Variants in CNGB3 observed in about 807,000 individuals in gnomAD.
CNGB3 encodes the protein cyclic nucleotide-gated channel beta-3.
Under a neutral mutation model 92.8 loss-of-function variants are expected in CNGB3, and 86 were observed. The observed-to-expected ratio is 0.93, with a 90% CI of 0.78 to 1.11. CNGB3 has a LOEUF of 1.11. CNGB3 is among the 50% of genes least tolerant of loss of function. CNGB3 has a pLI of 0.00. For missense variants in CNGB3, 1,026 were observed against 956.8 expected (o/e 1.07, Z -0.95); for synonymous variants, 333 against 332.7 (o/e 1.00, Z -0.01).
intron 7 of CNGB3, among the ~76,000 whole-genome samples, chr8:86,649,814 A>G (rs962455664): frequency 2.0e-5 from 3 of 151,278 alleles, no homozygotes; most frequent in African/African-American, 7.3e-5. Flanking sequence ...CTGATTAAAA[A>G]TGTTTCTTCA....
chr8:86,645,214 T>C (rs1405585613), intron 8 of CNGB3, among the ~76,000 whole-genome samples: 1 of 151,222 alleles, frequency 6.6e-6, no homozygotes, highest in African/African-American at 2.4e-5. Flanking sequence ...ATACAAAGAG[T>C]TTATGTGCAT....
intron 3 of CNGB3, among the ~76,000 whole-genome samples, chr8:86,710,639 TAA>T (rs1467741787): frequency 6.6e-6 from 1 of 152,270 alleles, no homozygotes; most frequent in South Asian, 2.1e-4. Flanking sequence ...ACGAATGAAT[TAA>T]AGAGGTTGGC....
intron 10 of CNGB3, among the ~76,000 whole-genome samples, chr8:86,641,569 A>G (rs1049349675): frequency 1.3e-5 from 2 of 151,630 alleles, no homozygotes; most frequent in Non-Finnish European, 2.9e-5. Flanking sequence ...CTTCTCCCCA[A>G]AACTGCCACT....
chr8:86,584,480 T>G (rs1204149961), intron 15 of CNGB3, among the ~76,000 whole-genome samples: 2 of 152,264 alleles, frequency 1.3e-5, no homozygotes, highest in Non-Finnish European at 2.9e-5. Flanking sequence ...GTTACACGTT[T>G]GGAGTGCTTG....
intron 6 of CNGB3, among the ~76,000 whole-genome samples, chr8:86,654,402 A>G (rs1487950817): frequency 6.6e-6 from 1 of 152,146 alleles, no homozygotes; most frequent in Non-Finnish European, 1.5e-5. Context: ...AAGGTCACCA[A>G]TGATCTCCTA....
intron 15 of CNGB3, among the ~76,000 whole-genome samples, chr8:86,587,836 C>T (rs1451223003): frequency 6.6e-6 from 1 of 151,846 alleles, no homozygotes; most frequent in African/African-American, 2.4e-5. Context: ...TTTTTGGTTC[C>T]ATATGAACTT....
chr8:86,611,943 TA>T (rs1452856577), intron 13 of CNGB3, among the ~76,000 whole-genome samples: 4 of 152,158 alleles, frequency 2.6e-5, no homozygotes, highest in African/African-American at 9.6e-5. Context: ...CTCAGTTTCC[TA>T]ACCTGTAAAA....
In CNGB3 at chr8:86,661,009, C is replaced by A. The variant is rs116767558; in HGVS notation, c.852+5916G>T. ...TTTCAGCCATTTACCTCTCAGATCGCCTCCTCCCTAAAGTTCTACTTTCCT... is the reference window on the plus strand; with the variant it reads ...TTTCAGCCATTTACCTCTCAGATCGACTCCTCCCTAAAGTTCTACTTTCCT... On this transcript the variant is annotated intron_variant, in intron 6 of 17. Coordinates refer to ENST00000320005, the MANE Select transcript of CNGB3 (RefSeq NM_019098.5). Among the ~76,000 whole-genome samples, 685 of 152,268 alleles carry A rather than the reference C, an allele frequency of 4.5e-3. 4 individuals carry two copies. The highest frequency in any genetic ancestry group is 0.016 in the African/African-American group (647 of 41,538).
chr8:86,629,117 G>A (rs1822910329), intron 11 of CNGB3, 39 bp from the exon 12 acceptor site: 2 of 1,610,768 alleles, frequency 1.2e-6, no homozygotes, highest in South Asian at 1.1e-5. Flanking sequence ...CCCAGCAGAG[G>A]AAATGAGTTA....
At chr8:86,732,668 A>G (rs1394895981) in intron 2 of CNGB3, among the ~76,000 whole-genome samples, 2 of 152,170 alleles carry the variant, frequency 1.3e-5, no homozygotes, top group Non-Finnish European at 2.9e-5. Context: ...AAACCAGCAC[A>G]ATTAGGAATT....
chr8:86,708,145 A>G (rs890973559), intron 3 of CNGB3, among the ~76,000 whole-genome samples: 1 of 152,218 alleles, frequency 6.6e-6, no homozygotes, highest in African/African-American at 2.4e-5. Context: ...CCATCAGGGT[A>G]TCAATGTTGC....
chr8:86,698,205 C>T (rs1824487066), intron 3 of CNGB3, among the ~76,000 whole-genome samples: 2 of 151,110 alleles, frequency 1.3e-5, no homozygotes, highest in Non-Finnish European at 2.9e-5. Context: ...CATTTGTATA[C>T]AGCAGATTCA....
chr8:86,694,394 C>T (rs183543567), intron 3 of CNGB3, among the ~76,000 whole-genome samples: 28,946 of 146,880 alleles, frequency 0.2, 3,058 homozygotes, highest in Middle Eastern at 0.37. Flanking sequence ...GCTGGCCTGG[C>T]GGGGGCTGAC....
At chr8:86,611,916 C>T (rs1239592718) in intron 13 of CNGB3, among the ~76,000 whole-genome samples, 1 of 152,050 alleles carries the variant, frequency 6.6e-6, no homozygotes, top group Non-Finnish European at 1.5e-5. Flanking sequence ...CTACATATTG[C>T]TACGTAACCT....
chr8:86,588,741 A>G (rs1182543749), intron 15 of CNGB3, among the ~76,000 whole-genome samples: 1 of 150,688 alleles, frequency 6.6e-6, no homozygotes, highest in East Asian at 2.0e-4. Context: ...TCGGTTTGCC[A>G]GTATTTTATT....
At chr8:86,691,470 T>C (rs1192435519) in intron 3 of CNGB3, among the ~76,000 whole-genome samples, 1 of 152,170 alleles carries the variant, frequency 6.6e-6, no homozygotes. Context: ...GGAAATGCTT[T>C]CAACTTTTCC....
intron 6 of CNGB3, among the ~76,000 whole-genome samples, chr8:86,665,690 G>A (rs1823728590): frequency 6.6e-6 from 1 of 152,056 alleles, no homozygotes; most frequent in Non-Finnish European, 1.5e-5. Context: ...GTGAAACATT[G>A]GATACTTATG....
At chr8:86,679,534 CTTTTTTT>C (rs59211727) in intron 3 of CNGB3, among the ~76,000 whole-genome samples, 1 of 150,802 alleles carries the variant, frequency 6.6e-6, no homozygotes, top group Non-Finnish European at 1.5e-5. Context: ...TTTTCTTTTT[CTTTTTTT>C]TTGAAAAGGA....
chr8:86,579,190 T>C lies in CNGB3; in HGVS notation c.1844A>G (p.Asn615Ser), dbSNP rs759552248. 1.1e-4 allele frequency: 170 copies of C among 1,614,072 alleles called. No individual in the cohort carries two copies. Among genetic ancestry groups the C allele is most frequent in the Non-Finnish European group, 1.3e-4 (151 of 1,180,038 alleles). ...TANVVAHGFANLLTLDKKTLQ... is the reference protein window; with the variant it reads ...TANVVAHGFASLLTLDKKTLQ... ...GGTCTTTTTGTCTAGAGTTAAAAGA[T>C]TGGCAAACCCGTGGGCCACCACATT... The change falls in exon 16 of 18, where the codon AAT becomes AGT. Residue 615 changes from asparagine to serine, a missense_variant. By Grantham distance (46) the Asn-to-Ser change is conservative. Transcript: ENST00000320005.
Sources: allele counts gnomAD v4.1 joint callset (sites outside exome capture counted in the v4.1 genomes callset), GRCh38; gene constraint gnomAD v4.1.1; transcripts MANE v1.5; gene names NCBI Gene and HGNC (gene_info 2026-07-23, HGNC 2026-07-21).